NBAS: variants seen among roughly 807,000 people sequenced by gnomAD.
The protein encoded by NBAS is NBAS subunit of NRZ tethering complex.
Under a neutral mutation model 302.5 loss-of-function variants are expected in NBAS, and 219 were observed. The observed-to-expected ratio is 0.72, with a 90% CI of 0.65 to 0.81. NBAS has a LOEUF of 0.81. Among genes scored for constraint, NBAS ranks in the 30% least tolerant of loss-of-function variants. NBAS has a pLI of 0.00. For missense variants in NBAS, 2,932 were observed against 2,841.6 expected (o/e 1.03, Z -0.72); for synonymous variants, 1,118 against 1,021.6 (o/e 1.09, Z -1.80).
chr2:14,877,505 A>G, the NBAS span, among the ~76,000 whole-genome samples: 1 of 152,208 alleles, frequency 6.6e-6, no homozygotes, highest in African/African-American at 2.4e-5. Context: ...GGTATATTCT[A>G]AGACAGGAAT....
intron 32 of NBAS, among the ~76,000 whole-genome samples, chr2:15,356,882 G>C (rs1673645928): frequency 6.6e-6 from 1 of 152,200 alleles, no homozygotes; most frequent in African/African-American, 2.4e-5. Flanking sequence ...ATGCTGTCCA[G>C]AGCACTGGCA....
the NBAS span, among the ~76,000 whole-genome samples, chr2:14,805,881 T>C: frequency 1.3e-5 from 2 of 152,034 alleles, no homozygotes; most frequent in South Asian, 4.1e-4. Flanking sequence ...TGTCTCCCCT[T>C]AATCTCTGTT....
At chr2:15,247,152 G>A (rs937342406) in intron 44 of NBAS, among the ~76,000 whole-genome samples, 2 of 152,186 alleles carry the variant, frequency 1.3e-5, no homozygotes, top group African/African-American at 4.8e-5. Context: ...GAATGAAAGC[G>A]TTACGGGAAA....
chr2:15,553,809 CCTCCCTCT>C (rs1664501203), intron 4 of NBAS, among the ~76,000 whole-genome samples: 1 of 120,846 alleles, frequency 8.3e-6, no homozygotes, highest in Non-Finnish European at 1.8e-5. Context: ...TCTCTCCCTC[CCTCCCTCT>C]CTCCCTCTCT....
chr2:15,167,363 G>A (rs1428292943), intron 51 of NBAS, 40 bp from the exon 52 acceptor site: 1 of 1,610,546 alleles, frequency 6.2e-7, no homozygotes, highest in African/African-American at 1.3e-5. Flanking sequence ...GGGGGTGTTT[G>A]CTTTGTTCGC....
At chr2:15,239,393 G>GTA (rs1026871513) in intron 44 of NBAS, among the ~76,000 whole-genome samples, 3 of 84,960 alleles carry the variant, frequency 3.5e-5, no homozygotes, top group Admixed American at 1.3e-4. Context: ...GTGTGCGTGT[G>GTA]TGTGTGTGTA....
At chr2:15,112,376 A>G in the NBAS span, among the ~76,000 whole-genome samples, 1 of 152,252 alleles carries the variant, frequency 6.6e-6, no homozygotes, top group African/African-American at 2.4e-5. Context: ...TGAAAAAATT[A>G]ATAAAAGGAA....
chr2:14,966,321 C>T, the NBAS span, among the ~76,000 whole-genome samples: 3 of 152,252 alleles, frequency 2.0e-5, no homozygotes, highest in East Asian at 1.9e-4. Context: ...TCTAGGTTAA[C>T]GTTTGAAAAT....
intron 9 of NBAS, among the ~76,000 whole-genome samples, chr2:15,528,878 A>AAAAAAAATAT (rs555894886): frequency 1.6e-5 from 2 of 121,544 alleles, no homozygotes; most frequent in South Asian, 4.9e-4. Flanking sequence ...AAAAAAAAAA[A>AAAAAAAATAT]ATATATATAT....
At chr2:15,156,087 A>G in the NBAS span, among the ~76,000 whole-genome samples, 1 of 152,168 alleles carries the variant, frequency 6.6e-6, no homozygotes, top group East Asian at 1.9e-4. Context: ...TTTCCTGCCC[A>G]AAAAATGTTG....
chr2:15,109,838 G>T, the NBAS span, among the ~76,000 whole-genome samples: 3 of 151,996 alleles, frequency 2.0e-5, no homozygotes, highest in African/African-American at 7.3e-5. Context: ...ATTGTGGATG[G>T]GGACACAAGC....
chr2:14,867,437 TA>T, the NBAS span, among the ~76,000 whole-genome samples: 1 of 152,124 alleles, frequency 6.6e-6, no homozygotes, highest in Non-Finnish European at 1.5e-5. Flanking sequence ...ATAAAATATA[TA>T]AATGTTCTAC....
chr2:14,793,221 A>T, the NBAS span, among the ~76,000 whole-genome samples: 8 of 152,310 alleles, frequency 5.3e-5, no homozygotes, highest in South Asian at 2.1e-4. Flanking sequence ...GTGAGAAAAT[A>T]AATTTTTGTA....
chr2:14,810,561 G>A, the NBAS span, among the ~76,000 whole-genome samples: 19 of 152,268 alleles, frequency 1.2e-4, no homozygotes, highest in Non-Finnish European at 2.1e-4. Context: ...TAAATTGCTC[G>A]GTCTTGGGCA....
intron 50 of NBAS, among the ~76,000 whole-genome samples, chr2:15,183,841 T>C (rs987190735): frequency 2.0e-5 from 3 of 152,192 alleles, no homozygotes; most frequent in African/African-American, 7.2e-5. Context: ...GTGCTTTAGG[T>C]GCTGTGCTAT....
chr2:15,548,482 A>T (rs984812131), intron 6 of NBAS, among the ~76,000 whole-genome samples: 1 of 152,008 alleles, frequency 6.6e-6, no homozygotes, highest in African/African-American at 2.4e-5. Context: ...TCTCTATCAA[A>T]AATACAAAAA....
At chr2:15,534,691 A>AT (rs1558419658) in intron 8 of NBAS, 50 bp from the exon 9 acceptor site, 3 of 1,216,642 alleles carry the variant, frequency 2.5e-6, no homozygotes, top group Non-Finnish European at 3.7e-6. Context: ...ACCACAATGA[A>AT]TATCACTAAA....
At chr2:14,892,456 C>G in the NBAS span, among the ~76,000 whole-genome samples, 2 of 152,142 alleles carry the variant, frequency 1.3e-5, no homozygotes, top group Non-Finnish European at 1.5e-5. Flanking sequence ...CTTCCCTGTC[C>G]GACAACTAAT....
the NBAS span, among the ~76,000 whole-genome samples, chr2:15,139,834 C>T: frequency 1.3e-5 from 2 of 152,142 alleles, no homozygotes; most frequent in Non-Finnish European, 2.9e-5. Context: ...TAAGGCAGCC[C>T]TGTTTCCTTC....
Sources: gnomAD v4.1 joint callset for allele counts (sites outside exome capture counted in the v4.1 genomes callset) on GRCh38, gnomAD v4.1.1 for gene constraint, MANE v1.5 for transcripts, NCBI Gene and HGNC (gene_info 2026-07-23, HGNC 2026-07-21) for gene names.